Variants in AK6 observed in about 807,000 individuals in gnomAD.
The protein encoded by AK6 is adenylate kinase isoenzyme 6.
A neutral mutation model predicts 23.7 loss-of-function variants in AK6; 24 were observed. The observed-to-expected ratio is 1.01, with a 90% CI of 0.73 to 1.43. AK6 has a LOEUF of 1.43. AK6 is among the 40% of genes most tolerant of loss of function. AK6 has a pLI of 0.00. For synonymous variants in AK6, 73 were observed against 69.8 expected, an observed-to-expected ratio of 1.05 and a Z score of -0.23; for missense variants, 191 against 199.1, an observed-to-expected ratio of 0.96 and a Z score of 0.24.
chr5:69,365,407 A>G, intron 2 of AK6: 1 of 1,614,236 alleles, frequency 6.2e-7, no homozygotes, highest in Non-Finnish European at 8.5e-7. Flanking sequence ...CTAGGACCTG[A>G]ATATGGCTTG....
chr5:69,369,776 C>T, upstream of AK6: 1 of 1,442,226 alleles, frequency 6.9e-7, no homozygotes, highest in South Asian at 1.2e-5. Context: ...TGGTCCCCGC[C>T]CTTCGCTTGC....
At chr5:69,369,702 A>C (rs765805325), upstream of AK6, 36 of 1,552,296 alleles carry the variant, frequency 2.3e-5, no homozygotes, top group Admixed American at 2.0e-5. Context: ...GAGGGTGGGC[A>C]TAACTCGGGT....
In AK6 at chr5:69,352,173, T is replaced by C. The variant is rs774999780; in HGVS notation, c.407A>G (p.Tyr136Cys). ...QVLYEEATAS[Y>C]KEEIVHQLPS... The stretch of plus-strand genomic sequence containing the variant: ...CAGCTGATGCACGATTTCTTCCTTG[T>C]AGGATGCTGTGGCTTCTTCATAAAG... Residue 136 changes from tyrosine (Y) to cysteine (C), a missense_variant, in exon 5 of 5, where the codon TAC becomes TGC. By Grantham distance (194) the Tyr-to-Cys change is radical. Coordinates refer to ENST00000380822, the MANE Select transcript of AK6 (RefSeq NM_016283.5). 4 of 1,613,876 alleles carry C rather than the reference T, an allele frequency of 2.5e-6. No homozygotes were observed. In the South Asian group the frequency reaches 3.3e-5, roughly 13 times the overall value.
intron 4 of AK6, among the ~76,000 whole-genome samples, chr5:69,353,692 C>A (rs1207017700): frequency 6.6e-6 from 1 of 152,084 alleles, no homozygotes; most frequent in Non-Finnish European, 1.5e-5. Context: ...ACTATGTACC[C>A]ATAAAACTAG....
intron 2 of AK6, among the ~76,000 whole-genome samples, chr5:69,363,490 A>C (rs1762296955): frequency 6.6e-6 from 1 of 152,224 alleles, no homozygotes; most frequent in Admixed American, 6.5e-5. Flanking sequence ...ATAGATATAA[A>C]ACAGAAAGGC....
intron 2 of AK6, chr5:69,365,272 T>C: frequency 6.2e-7 from 1 of 1,614,242 alleles, no homozygotes; most frequent in East Asian, 2.2e-5. Flanking sequence ...GTACTTGGTC[T>C]GCTAGTAACT....
At chr5:69,354,479 A>C (rs1255938228) in intron 4 of AK6, among the ~76,000 whole-genome samples, 1 of 152,242 alleles carries the variant, frequency 6.6e-6, no homozygotes, top group Non-Finnish European at 1.5e-5. Context: ...CCCGACCTTA[A>C]GCAAAATTCT....
intron 2 of AK6, among the ~76,000 whole-genome samples, chr5:69,362,319 C>T (rs928634017): frequency 9.2e-5 from 14 of 152,164 alleles, no homozygotes; most frequent in East Asian, 1.9e-4. Context: ...CATTGCTATA[C>T]CCCCAAAGGG....
At position 69,351,591 on chromosome 5, in the gene AK6, G is replaced by A. The variant is rs1307918729; in HGVS notation, c.*470C>T. On this transcript the variant is annotated 3_prime_UTR_variant, in exon 5 of 5. Coordinates refer to ENST00000380822, the MANE Select transcript of AK6 (RefSeq NM_016283.5). Reference sequence around the variant, plus strand: ...ATTATTTCCTAAAGGGAAGGAACCTGGGGTGCCTGGGGATAGGGTGGTCTG... The same window carrying A: ...ATTATTTCCTAAAGGGAAGGAACCTAGGGTGCCTGGGGATAGGGTGGTCTG... The A allele has an allele frequency of 6.6e-6, 1 of 152,638 alleles. No homozygotes were observed. The highest frequency in any genetic ancestry group is 2.4e-5 in the African/African-American group (1 of 41,460). 9.5% of individuals were successfully genotyped at this position (152,638 alleles called of 1,614,324 possible). A position where few individuals can be genotyped will look rare whatever the true frequency, so the allele number is the denominator to read the frequency against.
At position 69,369,479 on chromosome 5, in the gene AK6, C is replaced by A. The variant is rs769594023; in HGVS notation, c.12G>T (p.Pro4=). 4.3e-6 allele frequency: 7 copies of A among 1,611,270 alleles called. No individual in the cohort carries two copies. The Middle Eastern group carries it at 8.6e-4, about 198-fold the overall frequency. MLL[P]NILLTGTPGV... is the part of the protein sequence containing the mutation. ...CGCCCTGACCGGTGAGCAGGATGTT[C>A]GGAAGCAACATGGTCCCCGCCGCGA... The change falls in exon 1 of 5, where the codon CCG becomes CCT. Residue 4 remains proline (P), a synonymous_variant. Transcript: ENST00000380822.
At chr5:69,368,774 T>C (rs2150746860) in intron 1 of AK6, 1 of 152,318 alleles carries the variant, frequency 6.6e-6, no homozygotes, top group Admixed American at 6.5e-5. Flanking sequence ...GCAAAAATAT[T>C]CGTTAAAGTC....
chr5:69,366,616 A>G (rs1762437407), intron 1 of AK6, 21 bp from the exon 2 acceptor site: 1 of 1,565,134 alleles, frequency 6.4e-7, no homozygotes, highest in African/African-American at 1.4e-5. Context: ...AGCCACAGAA[A>G]AATACTGTTT....
At chr5:69,365,660 C>T (rs1762389301) in intron 2 of AK6, 11 of 1,611,050 alleles carry the variant, frequency 6.8e-6, no homozygotes, top group Non-Finnish European at 9.3e-6. Context: ...CTGTAATCCC[C>T]ATATCCTTCA....
chr5:69,367,229 C>T (rs534819461), intron 1 of AK6, among the ~76,000 whole-genome samples: 2 of 151,710 alleles, frequency 1.3e-5, no homozygotes, highest in African/African-American at 2.4e-5. Flanking sequence ...TTAGCCATCT[C>T]GTGCTGGGCG....
chr5:69,361,094 G>C (rs995041231), intron 2 of AK6, among the ~76,000 whole-genome samples: 1 of 152,192 alleles, frequency 6.6e-6, no homozygotes, highest in Non-Finnish European at 1.5e-5. Flanking sequence ...TATCAAGTGA[G>C]GAGGAGTCTT....
rs1301188993 is a variant in AK6, at chr5:69,351,337, A to C, written c.*724T>G. 1 of 152,164 alleles carries C rather than the reference A, an allele frequency of 6.6e-6. No homozygotes were observed. Among genetic ancestry groups the C allele is most frequent in the Non-Finnish European group, 1.5e-5 (1 of 68,034 alleles). The allele number at this position is 152,164 out of a possible 1,614,324, so 9.4% of individuals were successfully genotyped here. ...CCACCATACCCGGTTCTGATTATAC[A>C]CTTCAAAATGGTAAATTTTATTGTA... On this transcript the variant is annotated 3_prime_UTR_variant, in exon 5 of 5. Coordinates refer to ENST00000380822, the MANE Select transcript of AK6 (RefSeq NM_016283.5).
rs112797204 is a variant in AK6, at chr5:69,361,969, CTT to C, written c.121+4532_121+4533del. Among the ~76,000 whole-genome samples, 936 of 104,794 alleles carry C rather than the reference CTT, an allele frequency of 8.9e-3. 1 individual carries two copies. The highest frequency in any genetic ancestry group is 0.015 in the Middle Eastern group (2 of 134). The allele number at this position is 104,794 out of a possible 152,430, so 68.7% of individuals were successfully genotyped here. ...GGCCAGTTTTCTTAAACTTGATTCC[CTT>C]TTTTTTTTTTTTTTTTTTTGCCTTG... On this transcript the variant is annotated intron_variant, in intron 2 of 4. Transcript: ENST00000380822.
intron 2 of AK6, among the ~76,000 whole-genome samples, chr5:69,364,567 C>T (rs192787036): frequency 2.4e-4 from 37 of 152,272 alleles, no homozygotes; most frequent in African/African-American, 4.6e-4. Flanking sequence ...ACAAGAGTGA[C>T]GTACACACCA....
upstream of AK6, chr5:69,369,810 G>A (rs1366492139): frequency 4.2e-6 from 5 of 1,176,688 alleles, no homozygotes; most frequent in African/African-American, 3.1e-5. Flanking sequence ...GAAGGTCCCC[G>A]GGAGGCCGTA....
Sources: gnomAD v4.1 joint callset for allele counts (sites outside exome capture counted in the v4.1 genomes callset) on GRCh38, gnomAD v4.1.1 for gene constraint, MANE v1.5 for transcripts, NCBI Gene and HGNC (gene_info 2026-07-23, HGNC 2026-07-21) for gene names.